NAALADL2: variants seen among roughly 807,000 people sequenced by gnomAD.
The protein encoded by NAALADL2 is inactive N-acetylated-alpha-linked acidic dipeptidase-like protein 2.
A neutral mutation model predicts 87.2 loss-of-function variants in NAALADL2; 76 were observed. The ratio of observed to expected loss-of-function variants is 0.87; its 90% CI spans 0.72 to 1.05. The LOEUF (loss-of-function observed/expected upper bound fraction) is 1.05. Ranked by LOEUF, NAALADL2 falls within the 50% of genes least tolerant of loss-of-function variation. The probability of loss-of-function intolerance (pLI) is 0.00; values close to 1 mark genes in which losing one functional copy is unlikely to be tolerated. For missense variants in NAALADL2, 1,089 were observed against 945.8 expected, an observed-to-expected ratio of 1.15 and a Z score of -1.99; for synonymous variants, 354 against 331.0, an observed-to-expected ratio of 1.07 and a Z score of -0.75.
chr3:175,006,238 G>A (rs561707744), intron 1 of NAALADL2, among the ~76,000 whole-genome samples: 7 of 152,088 alleles, frequency 4.6e-5, no homozygotes, highest in African/African-American at 1.7e-4. Flanking sequence ...CTCCTCTGTC[G>A]TCTGGCACTT....
chr3:175,244,645 GTA>G (rs1747609569), intron 3 of NAALADL2, among the ~76,000 whole-genome samples: 1 of 152,096 alleles, frequency 6.6e-6, no homozygotes, highest in Admixed American at 6.6e-5. Context: ...TTACTCCTCA[GTA>G]TGTGTGATGC....
At chr3:175,718,237 A>C (rs1741668264) in intron 11 of NAALADL2, 1 of 664,620 alleles carries the variant, frequency 1.5e-6, no homozygotes, top group African/African-American at 2.1e-5. Context: ...TAGTTGCTGT[A>C]ACACTGTCCT....
Position 174,605,746 on chromosome 3 carries a change from CA to C in NAALADL2, c.-115+55119del, listed in dbSNP as rs148897984. ...TCCACCTCTGGGGGCAGGGCACAGA[CA>C]AAAAAAAAAGGACAGCAGTAACCTC... On this transcript the variant is annotated intron_variant, in intron 2 of 3. Coordinates refer to the NAALADL2 transcript ENST00000434257. 1.1e-3 allele frequency among the ~76,000 whole-genome samples: 160 copies of C among 144,562 alleles called. 1 individual carries two copies. Among genetic ancestry groups the C allele is most frequent in the African/African-American group, 3.4e-3 (135 of 39,548 alleles). The allele number at this position is 144,562 out of a possible 152,430, so 94.8% of individuals were successfully genotyped here. A position where few individuals can be genotyped will look rare whatever the true frequency, so the allele number is the denominator to read the frequency against.
At chr3:174,913,761 A>G (rs1734012056) in intron 1 of NAALADL2, among the ~76,000 whole-genome samples, 1 of 152,172 alleles carries the variant, frequency 6.6e-6, no homozygotes, top group African/African-American at 2.4e-5. Context: ...ATATCTGCTG[A>G]TCAAGTTAAT....
At chr3:175,762,886 C>A (rs1404434132) in intron 13 of NAALADL2, among the ~76,000 whole-genome samples, 2 of 152,194 alleles carry the variant, frequency 1.3e-5, no homozygotes, top group South Asian at 4.2e-4. Context: ...AGACCGAGAC[C>A]ATCCTGGCTA....
intron 9 of NAALADL2, among the ~76,000 whole-genome samples, chr3:175,482,259 G>A (rs778589324): frequency 2.6e-5 from 4 of 151,894 alleles, no homozygotes; most frequent in Admixed American, 2.0e-4. Flanking sequence ...TGCACAGGGG[G>A]CTCCTTAAAT....
In NAALADL2 at chr3:175,256,479, A is replaced by G. The variant is rs919806775; in HGVS notation, c.888A>G (p.Val296=). ...DLKRIRKIKN[V]TNQIALLKLG... is the part of the protein sequence containing the mutation. ...AAAGGATTAGGAAAATAAAAAACGT[A>G]ACAAATCAGATCGCACTCCTGAAAT... Residue 296 remains valine, a synonymous_variant, in exon 4 of 14, where the codon GTA becomes GTG. Transcript: ENST00000454872. 3 of 1,613,018 alleles carry G rather than the reference A, an allele frequency of 1.9e-6. No individual in the cohort carries two copies.
intron 10 of NAALADL2, among the ~76,000 whole-genome samples, chr3:175,583,533 A>G (rs1164221420): frequency 6.6e-6 from 1 of 151,862 alleles, no homozygotes; most frequent in East Asian, 1.9e-4. Flanking sequence ...CCAGGCAACT[A>G]TCAAAGACTG....
At chr3:174,826,885 T>C (rs964576613) in intron 3 of NAALADL2, among the ~76,000 whole-genome samples, 11 of 152,184 alleles carry the variant, frequency 7.2e-5, no homozygotes, top group African/African-American at 2.7e-4. Context: ...TCCTTAATAA[T>C]TCTAGTAATT....
chr3:175,171,380 C>T (rs921461875), intron 2 of NAALADL2, among the ~76,000 whole-genome samples: 1 of 151,970 alleles, frequency 6.6e-6, no homozygotes, highest in African/African-American at 2.4e-5. Flanking sequence ...ACATAACAAT[C>T]GAATAGCAGA....
intron 1 of NAALADL2, among the ~76,000 whole-genome samples, chr3:174,869,604 T>C (rs1727551413): frequency 6.6e-6 from 1 of 152,162 alleles, no homozygotes; most frequent in Non-Finnish European, 1.5e-5. Context: ...TGAGTTTATT[T>C]GGCTAAGAGT....
chr3:174,510,920 C>T (rs955424603), intron 1 of NAALADL2, among the ~76,000 whole-genome samples: 6 of 151,652 alleles, frequency 4.0e-5, no homozygotes, highest in Non-Finnish European at 7.4e-5. Context: ...TCAATCAAAA[C>T]GTTTTCTAAT....
intron 2 of NAALADL2, among the ~76,000 whole-genome samples, chr3:174,633,178 C>T (rs1578379634): frequency 6.8e-6 from 1 of 147,778 alleles, no homozygotes. Flanking sequence ...ATCCAGAGAA[C>T]AAAAAAAAAC....
At chr3:175,595,377 C>T (rs2149618069) in intron 10 of NAALADL2, among the ~76,000 whole-genome samples, 1 of 151,930 alleles carries the variant, frequency 6.6e-6, no homozygotes, top group South Asian at 2.1e-4. Context: ...TGTACTAGTA[C>T]CTTGCTTTTT....
chr3:174,692,461 T>G (rs1728665123), intron 2 of NAALADL2, among the ~76,000 whole-genome samples: 1 of 152,190 alleles, frequency 6.6e-6, no homozygotes, highest in South Asian at 2.1e-4. Context: ...TTATACAAAC[T>G]TAAAACAATT....
intron 3 of NAALADL2, among the ~76,000 whole-genome samples, chr3:174,786,711 A>G (rs567469644): frequency 5.0e-4 from 76 of 152,162 alleles, no homozygotes; most frequent in African/African-American, 1.8e-3. Flanking sequence ...CCAAATTGTA[A>G]TGTTATATAA....
rs571688089 is a variant in NAALADL2 at position 174,666,116 on chromosome 3, T to A, written c.-114-71525T>A. On this transcript the variant is annotated intron_variant, in intron 2 of 3. Transcript: ENST00000434257. ...TTTTTGGGGTATAGTTTATTCCATG[T>A]CTATAAACTAGAAAAACATAATACA... Among the ~76,000 whole-genome samples, 77 of 152,268 alleles carry A rather than the reference T, an allele frequency of 5.1e-4. 1 individual carries two copies. Among genetic ancestry groups the A allele is most frequent in the African/African-American group, 1.8e-3 (73 of 41,566 alleles).
Position 175,718,808 on chromosome 3 carries a change from G to A in NAALADL2, c.1897-18498G>A, listed in dbSNP as rs907071388. Reference sequence around the variant, plus strand: ...CAAGCATGGTGACGCACACACCACTGCACTCCAGCCTGGGCAACAGAGACC... The same window carrying A: ...CAAGCATGGTGACGCACACACCACTACACTCCAGCCTGGGCAACAGAGACC... On this transcript the variant is annotated intron_variant, in intron 11 of 13. Coordinates refer to ENST00000454872, the MANE Select transcript of NAALADL2 (RefSeq NM_207015.3). 3.6e-5 allele frequency: 22 copies of A among 602,916 alleles called. No individual in the cohort carries two copies. The African/African-American group carries it at 4.1e-4, about 11-fold the overall frequency. 37.3% of individuals were successfully genotyped at this position (602,916 alleles called of 1,614,324 possible).
intron 2 of NAALADL2, among the ~76,000 whole-genome samples, chr3:174,733,221 C>T (rs1206945354): frequency 2.6e-5 from 4 of 152,086 alleles, no homozygotes; most frequent in African/African-American, 9.7e-5. Flanking sequence ...TTAGGTAACG[C>T]TTAAAAGGTC....
Sources: allele counts gnomAD v4.1 joint callset (sites outside exome capture counted in the v4.1 genomes callset), GRCh38; gene constraint gnomAD v4.1.1; transcripts MANE v1.5; gene names NCBI Gene and HGNC (gene_info 2026-07-23, HGNC 2026-07-21).